Variants in HHIP observed in about 807,000 individuals in gnomAD.
The protein encoded by HHIP is hedgehog-interacting protein.
Under a neutral mutation model 74.0 loss-of-function variants are expected in HHIP, and 12 were observed. The observed-to-expected ratio is 0.16, with a 90% confidence interval of 0.10 to 0.26. The LOEUF is 0.26. HHIP is among the 10% of genes least tolerant of loss of function. HHIP has a pLI of 1.00. For synonymous variants in HHIP, 309 were observed against 311.6 expected (o/e 0.99, Z 0.09); for missense variants, 788 against 845.0 (o/e 0.93, Z 0.84).
At chr4:144,670,942 G>A (rs1412849259) in intron 4 of HHIP, among the ~76,000 whole-genome samples, 1 of 152,064 alleles carries the variant, frequency 6.6e-6, no homozygotes, top group Non-Finnish European at 1.5e-5. Context: ...CAGGAAAAGT[G>A]AAACAAAACC....
At chr4:144,713,190 C>T (rs1349166277) in intron 8 of HHIP, among the ~76,000 whole-genome samples, 1 of 152,078 alleles carries the variant, frequency 6.6e-6, no homozygotes, top group Admixed American at 6.6e-5. Context: ...TAGGCACTAT[C>T]ATTGGCCACA....
intron 2 of HHIP, among the ~76,000 whole-genome samples, chr4:144,655,793 G>GA (rs1160923847): frequency 1.3e-5 from 2 of 151,640 alleles, no homozygotes; most frequent in African/African-American, 2.4e-5. Context: ...TTATAATGAG[G>GA]AAAAATAACT....
intron 4 of HHIP, among the ~76,000 whole-genome samples, chr4:144,705,294 A>G (rs1730102815): frequency 6.6e-6 from 1 of 152,236 alleles, no homozygotes; most frequent in Non-Finnish European, 1.5e-5. Flanking sequence ...CTAGTAACAT[A>G]TACTATTGTG....
At chr4:144,652,489 A>C in intron 1 of HHIP, 116 bp from the exon 2 acceptor site, 7 of 661,880 alleles carry the variant, frequency 1.1e-5, no homozygotes, top group Non-Finnish European at 1.8e-5. Context: ...TTCTTTTCAA[A>C]AAACTTCATT....
intron 7 of HHIP, among the ~76,000 whole-genome samples, chr4:144,709,992 G>T (rs1451168533): frequency 2.0e-5 from 3 of 152,148 alleles, no homozygotes; most frequent in Non-Finnish European, 4.4e-5. Context: ...TGTGAATTCT[G>T]TAGGTTTAGA....
chr4:144,733,421 T>C (rs1192347899), intron 11 of HHIP, among the ~76,000 whole-genome samples: 3 of 152,178 alleles, frequency 2.0e-5, no homozygotes, highest in Non-Finnish European at 4.4e-5. Context: ...GTTTTTAACA[T>C]ATATGGTTTT....
At chr4:144,647,003 TG>T (rs765263379) in intron 1 of HHIP, 49 bp downstream of exon 1, 73 of 1,506,410 alleles carry the variant, frequency 4.8e-5, no homozygotes, top group Non-Finnish European at 6.3e-5. Flanking sequence ...ATTGGCTGGG[TG>T]GGGTTCCCTG....
Position 144,718,916 on chromosome 4 carries a change from A to C in HHIP, c.1720A>C (p.Thr574Pro), listed in dbSNP as rs1353758561. 6.2e-7 allele frequency: 1 copy of C among 1,610,822 alleles called. No homozygotes were observed. Among genetic ancestry groups the C allele is most frequent in the South Asian group, 1.1e-5 (1 of 90,998 alleles). Residue 574 changes from threonine to proline, a missense_variant, in exon 11 of 13, where the codon ACT becomes CCT. Thr to Pro is a conservative substitution (Grantham distance 38, BLOSUM62 -1). Coordinates refer to ENST00000296575, the MANE Select transcript of HHIP (RefSeq NM_022475.3). ...ATCAAGCAGTAAAAGTATGACCCAG[A>C]CTCACAATGGAAAACTCTACAAAAT... Reference protein sequence around the residue: ...ILSSSKSMTQTHNGKLYKIVD... With the variant: ...ILSSSKSMTQPHNGKLYKIVD...
At chr4:144,693,310 T>A (rs1031414752) in intron 4 of HHIP, among the ~76,000 whole-genome samples, 3 of 152,122 alleles carry the variant, frequency 2.0e-5, no homozygotes, top group Non-Finnish European at 2.9e-5. Context: ...ACTGTTTGGC[T>A]CTTCCCTTAG....
At position 144,738,847 on chromosome 4, in the gene HHIP, C is replaced by T. The variant is rs1731194363; in HGVS notation, c.*890C>T. ...TTAATGTGCTGTGGATCTAATCTAGCAAGGTATCCTTGTGCCAACATGTAA... is the reference window on the plus strand; with the variant it reads ...TTAATGTGCTGTGGATCTAATCTAGTAAGGTATCCTTGTGCCAACATGTAA... On this transcript the variant is annotated 3_prime_UTR_variant, in exon 13 of 13. Coordinates refer to ENST00000296575, the MANE Select transcript of HHIP (RefSeq NM_022475.3). 4.7e-6 allele frequency: 1 copy of T among 212,638 alleles called. No individual in the cohort carries two copies. Among genetic ancestry groups the T allele is most frequent in the Non-Finnish European group, 8.1e-6 (1 of 123,078 alleles). 13.2% of individuals were successfully genotyped at this position (212,638 alleles called of 1,614,324 possible).
intron 4 of HHIP, among the ~76,000 whole-genome samples, chr4:144,679,459 T>C (rs1167472026): frequency 6.6e-6 from 1 of 152,242 alleles, no homozygotes; most frequent in Non-Finnish European, 1.5e-5. Flanking sequence ...TGCCCATGCC[T>C]ATGTCCTGAA....
At chr4:144,697,964 AT>A in intron 4 of HHIP, among the ~76,000 whole-genome samples, 1 of 152,114 alleles carries the variant, frequency 6.6e-6, no homozygotes, top group Non-Finnish European at 1.5e-5. Flanking sequence ...AAAGAGAATT[AT>A]TGTGACTTAC....
rs748191621 is a variant in HHIP, at chr4:144,708,239, G to A, written c.1229G>A (p.Arg410Lys). ...TGCAACGTGCCTTATTCCATACCAA[G>A]GAGCAACCCACACTTCAACAGCACC... ...DMCNVPYSIPRSNPHFNSTNQ... is the reference protein window; with the variant it reads ...DMCNVPYSIPKSNPHFNSTNQ... The change falls in exon 7 of 13, where the codon AGG (arginine) becomes AAG (lysine). Residue 410 changes from arginine to lysine, a missense_variant. Physicochemically the swap from Arg to Lys is conservative, Grantham distance 26 (BLOSUM62 2). Coordinates refer to ENST00000296575, the MANE Select transcript of HHIP (RefSeq NM_022475.3). 6.2e-7 allele frequency: 1 copy of A among 1,614,072 alleles called. No homozygotes were observed. Among genetic ancestry groups the A allele is most frequent in the East Asian group, 2.2e-5 (1 of 44,874 alleles).
intron 4 of HHIP, among the ~76,000 whole-genome samples, chr4:144,698,584 C>T (rs1233949480): frequency 6.6e-6 from 1 of 151,862 alleles, no homozygotes; most frequent in Non-Finnish European, 1.5e-5. Context: ...TGAGTAAACA[C>T]GATTAAGGAG....
Position 144,736,136 on chromosome 4 carries a change from C to CTTTTTTTTTT in HHIP, c.1909+1255_1909+1264dup, listed in dbSNP as rs36088965. On this transcript the variant is annotated intron_variant, in intron 12 of 12. Transcript: ENST00000296575. ...CTAACAATATCTACTTTTTCTGCAT[C>CTTTTTTTTTT]TTTTTTTTTTTTTTTTTGAGGTGGA... is the stretch of plus-strand genomic sequence containing the variant. Among the ~76,000 whole-genome samples, 2 of 128,272 alleles carry CTTTTTTTTTT rather than the reference C, an allele frequency of 1.6e-5. 1 individual carries two copies. The allele number at this position is 128,272 out of a possible 152,430, so 84.2% of individuals were successfully genotyped here. A position where few individuals can be genotyped will look rare whatever the true frequency, so the allele number is the denominator to read the frequency against.
chr4:144,694,161 T>C (rs573612946), intron 4 of HHIP, among the ~76,000 whole-genome samples: 1 of 152,068 alleles, frequency 6.6e-6, no homozygotes, highest in South Asian at 2.1e-4. Context: ...AATTGACATA[T>C]AAATCATGAA....
chr4:144,668,423 C>T (rs915653351), intron 4 of HHIP, among the ~76,000 whole-genome samples: 15 of 151,758 alleles, frequency 9.9e-5, no homozygotes, highest in African/African-American at 3.4e-4. Flanking sequence ...AGACAGTAGA[C>T]ATTATCAGTG....
chr4:144,736,585 T>C (rs1731127336), intron 12 of HHIP, among the ~76,000 whole-genome samples: 1 of 152,108 alleles, frequency 6.6e-6, no homozygotes. Flanking sequence ...CAAATACAGA[T>C]GGCACTATAT....
chr4:144,666,397 C>G (rs1288974049), intron 4 of HHIP, among the ~76,000 whole-genome samples: 3 of 152,074 alleles, frequency 2.0e-5, no homozygotes, highest in Admixed American at 6.5e-5. Context: ...CAGACACTCT[C>G]TTCTTCTTTC....
Sources: allele counts gnomAD v4.1 joint callset (sites outside exome capture counted in the v4.1 genomes callset), GRCh38; gene constraint gnomAD v4.1.1; transcripts MANE v1.5; gene names NCBI Gene and HGNC (gene_info 2026-07-23, HGNC 2026-07-21).